The following KDM2B variants were observed in gnomAD, a reference collection of about 807,000 sequenced individuals.
The protein encoded by KDM2B is lysine demethylase 2B, also known as lysine-specific demethylase 2B.
A neutral mutation model predicts 150.0 loss-of-function variants in KDM2B; 26 were observed. The observed-to-expected ratio is 0.17, with a 90% confidence interval of 0.13 to 0.24. The LOEUF (loss-of-function observed/expected upper bound fraction) is 0.24. Among genes scored for constraint, KDM2B ranks in the 10% least tolerant of loss-of-function variants. The pLI is 1.00. For synonymous variants in KDM2B, 734 were observed against 729.5 expected, an observed-to-expected ratio of 1.01 and a Z score of -0.10; for missense variants, 1,265 against 1,816.9, an observed-to-expected ratio of 0.70 and a Z score of 5.52.
chr12:121,502,720 G>A (rs974993141), intron 11 of KDM2B, among the ~76,000 whole-genome samples: 3 of 134,896 alleles, frequency 2.2e-5, no homozygotes, highest in African/African-American at 8.5e-5. Flanking sequence ...CAAGGAGTTC[G>A]AGACCAGCCT....
intron 6 of KDM2B, among the ~76,000 whole-genome samples, chr12:121,548,189 C>G (rs1374959614): frequency 6.6e-6 from 1 of 152,136 alleles, no homozygotes; most frequent in Non-Finnish European, 1.5e-5. Flanking sequence ...ATTGCTTGAA[C>G]CCAGGAGGCG....
intron 12 of KDM2B, among the ~76,000 whole-genome samples, chr12:121,460,814 C>T (rs1555293652): frequency 1.3e-5 from 2 of 152,078 alleles, no homozygotes; most frequent in Non-Finnish European, 1.5e-5. Context: ...CCAGGCTGGT[C>T]TTGGACTCCT....
At position 121,430,014 on chromosome 12, in the gene KDM2B, A is replaced by T; in HGVS notation, c.*274T>A. ...CAGTATGAGAATTTCTCCGAAGTCC[A>T]CCCTCCTCTCCGACAGGAATGTCTT... On this transcript the variant is annotated 3_prime_UTR_variant, in exon 23 of 23. Coordinates refer to ENST00000377071, the MANE Select transcript of KDM2B (RefSeq NM_032590.5). This position sits in a 1 kb window ranked among gnomAD's most constrained non-coding sequence, Gnocchi z 4.4. The T allele has an allele frequency of 9.8e-7, 1 of 1,018,570 alleles. No homozygotes were observed. The highest frequency in any genetic ancestry group is 1.6e-6 in the Non-Finnish European group (1 of 638,382). 63.1% of individuals were successfully genotyped at this position (1,018,570 alleles called of 1,614,324 possible).
chr12:121,494,329 C>T (rs187097451), intron 12 of KDM2B: 55 of 432,262 alleles, frequency 1.3e-4, no homozygotes, highest in African/African-American at 1.9e-4. Flanking sequence ...CAGGGAAAGG[C>T]GAGGTGTCAG....
chr12:121,460,654 C>T (rs1210834944), intron 12 of KDM2B, among the ~76,000 whole-genome samples: 6 of 152,190 alleles, frequency 3.9e-5, no homozygotes, highest in African/African-American at 1.4e-4. Flanking sequence ...GTGACCCGAC[C>T]GACTTGGCCT....
intron 4 of KDM2B, among the ~76,000 whole-genome samples, chr12:121,559,916 AAAG>A (rs1293832624): frequency 6.6e-6 from 1 of 152,142 alleles, no homozygotes; most frequent in Non-Finnish European, 1.5e-5. Flanking sequence ...AAAAAAAAAA[AAAG>A]GAGTAACATC....
chr12:121,409,931 G>A, the KDM2B span, among the ~76,000 whole-genome samples: 8 of 152,064 alleles, frequency 5.3e-5, no homozygotes, highest in African/African-American at 1.4e-4. Flanking sequence ...CGAGGCGGGC[G>A]GATCATCTGA....
Position 121,575,695 on chromosome 12 carries a change from GAAGAGGGTGGAAGA to G in KDM2B, c.350+72_350+85del. On this transcript the variant is annotated intron_variant, in intron 3 of 22. Transcript: ENST00000377071. The surrounding 1 kb of genome is among the most constrained non-coding windows in gnomAD (Gnocchi z 4.4). Reference sequence around the variant, plus strand: ...GATCCTTCTCAGTGATGAGAGGTGGGAAGAGGGTGGAAGAAATCCATCCCAAGCTATAAAGTATG... The same window carrying G: ...GATCCTTCTCAGTGATGAGAGGTGGGAATCCATCCCAAGCTATAAAGTATG... 1.1e-6 allele frequency: 1 copy of G among 945,248 alleles called. No individual in the cohort carries two copies. The highest frequency in any genetic ancestry group is 1.7e-6 in the Non-Finnish European group (1 of 572,900). 58.6% of individuals were successfully genotyped at this position (945,248 alleles called of 1,614,324 possible).
At chr12:121,413,892 G>C in the KDM2B span, among the ~76,000 whole-genome samples, 1 of 152,098 alleles carries the variant, frequency 6.6e-6, no homozygotes, top group Admixed American at 6.6e-5. Context: ...ACTTTTAAAG[G>C]CATCACTATT....
intron 4 of KDM2B, among the ~76,000 whole-genome samples, chr12:121,555,928 T>C (rs187981021): frequency 4.6e-5 from 7 of 151,896 alleles, no homozygotes; most frequent in Admixed American, 4.6e-4. Flanking sequence ...GTTTTTTTTG[T>C]TTTTTGTTTT....
At chr12:121,509,146 C>A (rs1885357644) in intron 11 of KDM2B, among the ~76,000 whole-genome samples, 1 of 152,152 alleles carries the variant, frequency 6.6e-6, no homozygotes, top group Non-Finnish European at 1.5e-5. Context: ...GCAACCTCCA[C>A]CTCCCAGGTT....
intron 4 of KDM2B, among the ~76,000 whole-genome samples, chr12:121,569,430 G>C (rs1326315481): frequency 1.3e-5 from 2 of 152,188 alleles, no homozygotes; most frequent in African/African-American, 4.8e-5. Flanking sequence ...GAATGAAGCA[G>C]AAAGAGGGAG....
chr12:121,447,980 C>T (rs917106012), intron 13 of KDM2B, among the ~76,000 whole-genome samples: 11 of 151,728 alleles, frequency 7.2e-5, no homozygotes, highest in African/African-American at 1.9e-4. Context: ...TCTATTAACA[C>T]GTCATGGGTT....
At chr12:121,580,618 T>C (rs1024376071) in intron 1 of KDM2B, among the ~76,000 whole-genome samples, 168 bp downstream of exon 1, 7 of 151,884 alleles carry the variant, frequency 4.6e-5, no homozygotes, top group Non-Finnish European at 8.8e-5. Context: ...GGTGCAGATT[T>C]GCACGGCTGG....
chr12:121,534,242 A>G (rs1291840408), intron 7 of KDM2B, among the ~76,000 whole-genome samples: 7 of 151,800 alleles, frequency 4.6e-5, no homozygotes, highest in Non-Finnish European at 8.8e-5. Flanking sequence ...CCAGCTACTC[A>G]GGAGGCTGAG....
chr12:121,578,999 C>A, intron 1 of KDM2B, 53 bp from the exon 2 acceptor site: 1 of 1,573,322 alleles, frequency 6.4e-7, no homozygotes, highest in South Asian at 1.1e-5. Context: ...GGCTGGAGGT[C>A]GCCTCTCAAC....
chr12:121,428,799 A>G (rs1241562811), downstream of KDM2B, among the ~76,000 whole-genome samples: 1 of 152,214 alleles, frequency 6.6e-6, no homozygotes, highest in Non-Finnish European at 1.5e-5. Context: ...GCCCAAGGCT[A>G]CCTGTACAGG....
intron 22 of KDM2B, among the ~76,000 whole-genome samples, chr12:121,433,804 T>G (rs571403255): frequency 3.3e-5 from 5 of 152,168 alleles, no homozygotes; most frequent in African/African-American, 1.2e-4. Context: ...TGAGCTAATC[T>G]GAAGCTGAGG....
intron 4 of KDM2B, among the ~76,000 whole-genome samples, chr12:121,553,057 C>T (rs143431610): frequency 6.6e-6 from 1 of 151,878 alleles, no homozygotes; most frequent in Non-Finnish European, 1.5e-5. Flanking sequence ...ACGGTGAAAC[C>T]CCGAGAATAC....
Sources: allele counts gnomAD v4.1 joint callset (sites outside exome capture counted in the v4.1 genomes callset), GRCh38; gene constraint gnomAD v4.1.1; non-coding constraint Gnocchi (gnomAD v3.1); transcripts MANE v1.5; gene names NCBI Gene and HGNC (gene_info 2026-07-23, HGNC 2026-07-21).